LAMB1: variants seen among roughly 807,000 people sequenced by gnomAD.
The protein encoded by LAMB1 is laminin subunit beta-1.
In LAMB1, 121 loss-of-function variants were observed where a neutral mutation model predicts 222.3. That is an observed-to-expected ratio of 0.54 (90% CI 0.47 to 0.63). The LOEUF is 0.63. Ranked by LOEUF, LAMB1 falls within the 30% of genes least tolerant of loss-of-function variation. The pLI is 0.00. For synonymous variants in LAMB1, 794 were observed against 807.2 expected (o/e 0.98, Z 0.28); for missense variants, 2,172 against 2,240.8 (o/e 0.97, Z 0.62).
At position 107,960,334 on chromosome 7, in the gene LAMB1, C is replaced by A. The variant is rs1584507923; in HGVS notation, c.2314+111G>T. On this transcript the variant is annotated intron_variant, in intron 18 of 33. Coordinates refer to ENST00000222399, the MANE Select transcript of LAMB1 (RefSeq NM_002291.3). ...CAAACTGTAACTGAGACACTATTTC[C>A]CTTGTGCTGCCTAACACAGGGCTAG... The A allele has an allele frequency of 1.4e-5, 10 of 713,184 alleles. No individual in the cohort carries two copies. The East Asian group carries it at 2.6e-4, about 19-fold the overall frequency. 44.2% of individuals were successfully genotyped at this position (713,184 alleles called of 1,614,324 possible). A position where few individuals can be genotyped will look rare whatever the true frequency, so the allele number is the denominator to read the frequency against.
chr7:107,975,782 G>C lies in LAMB1; in HGVS notation c.1096C>G (p.Gln366Glu), dbSNP rs551678118. ...NVSGGVCDDC[Q>E]HNTMGRNCEQ... ...CAGTTGCGCCCCATGGTGTTGTGCT[G>C]ACAGTCATCACACACGCCTCCGCTG... is the stretch of plus-strand genomic sequence containing the variant. Residue 366 changes from glutamine to glutamate, a missense_variant, in exon 10 of 34, where the codon CAG (glutamine) becomes GAG (glutamate). Physicochemically the swap from Gln to Glu is conservative, Grantham distance 29. Transcript: ENST00000222399. The C allele has an allele frequency of 2.5e-6, 4 of 1,614,030 alleles. No homozygotes were observed. The South Asian group carries it at 4.4e-5, about 18-fold the overall frequency.
chr7:107,969,428 T>C (rs2033700978), intron 13 of LAMB1, among the ~76,000 whole-genome samples: 1 of 152,020 alleles, frequency 6.6e-6, no homozygotes, highest in Non-Finnish European at 1.5e-5. Context: ...TATTAAAGCA[T>C]AAAAAACATC....
rs770103921 is a variant in LAMB1 at position 107,961,189 on chromosome 7, A to C, written c.2109+17T>G. 2.5e-6 allele frequency: 4 copies of C among 1,613,954 alleles called. No homozygotes were observed. Among genetic ancestry groups the C allele is most frequent in the Non-Finnish European group, 3.4e-6 (4 of 1,179,974 alleles). ...CCCAGGCTTTCCTGCATATGCCAGAAGCAATCTCGCACTTACAGAATCGAT... is the reference window on the plus strand; with the variant it reads ...CCCAGGCTTTCCTGCATATGCCAGACGCAATCTCGCACTTACAGAATCGAT... On this transcript the variant is annotated intron_variant, in intron 17 of 33. Coordinates refer to ENST00000222399, the MANE Select transcript of LAMB1 (RefSeq NM_002291.3).
intron 5 of LAMB1, among the ~76,000 whole-genome samples, 168 bp from the exon 6 acceptor site, chr7:107,986,531 A>T (rs1036602751): frequency 6.6e-6 from 1 of 152,102 alleles, no homozygotes; most frequent in Admixed American, 6.6e-5. Context: ...TTCCACAGAG[A>T]CTCTTCTTGC....
intron 23 of LAMB1, 80 bp downstream of exon 23, chr7:107,951,929 C>T: frequency 8.3e-7 from 1 of 1,204,112 alleles, no homozygotes; most frequent in Non-Finnish European, 1.2e-6. Context: ...TGCCCTGGTG[C>T]CTTGCTCTAA....
rs987334378 is a variant in LAMB1 at position 107,951,226 on chromosome 7, C to T, written c.3391G>A (p.Ala1131Thr). 2 of 1,613,584 alleles carry T rather than the reference C, an allele frequency of 1.2e-6. No homozygotes were observed. Among genetic ancestry groups the T allele is most frequent in the Non-Finnish European group, 1.7e-6 (2 of 1,179,600 alleles). ...FWGDPDVECRACDCDPRGIET... is the reference protein window; with the variant it reads ...FWGDPDVECRTCDCDPRGIET... The stretch of plus-strand genomic sequence containing the variant: ...CAATGCGAGAACGCCCACAACTCAC[C>T]TCGGCACTCCACGTCGGGGTCTCCC... The change falls in exon 24 of 34, where the codon GCC becomes ACC. Residue 1131 changes from alanine (A) to threonine (T), a missense_variant and splice_region_variant. Transcript: ENST00000222399.
At position 107,975,379 on chromosome 7, in the gene LAMB1, C is replaced by T. The variant is rs1308950224; in HGVS notation, c.1224G>A (p.Glu408=). The part of the protein sequence containing the change: ...CTCDPAGSQN[E]GICDSYTDFS... ...AATCAGTATAGCTGTCACAAATTCC[C>T]TCATTTTGAGAGCCAGCTGGGTCAC... The change falls in exon 11 of 34, where the codon GAG becomes GAA. Residue 408 remains glutamate (E), a synonymous_variant. Transcript: ENST00000222399. 14 of 1,613,292 alleles carry T rather than the reference C, an allele frequency of 8.7e-6. No homozygotes were observed. The highest frequency in any genetic ancestry group is 1.1e-5 in the Non-Finnish European group (13 of 1,179,840).
chr7:107,974,626 A>C (rs1171639097), intron 12 of LAMB1, among the ~76,000 whole-genome samples: 1 of 152,212 alleles, frequency 6.6e-6, no homozygotes, highest in Non-Finnish European at 1.5e-5. Flanking sequence ...CAAGCTACTG[A>C]TATGTATCTC....
At chr7:107,970,561 A>G (rs2150435730) in intron 13 of LAMB1, among the ~76,000 whole-genome samples, 1 of 151,970 alleles carries the variant, frequency 6.6e-6, no homozygotes, top group South Asian at 2.1e-4. Flanking sequence ...TGTTAAAATA[A>G]TCTTGAAGGA....
At chr7:107,949,520 GT>G (rs1420427425) in intron 24 of LAMB1, among the ~76,000 whole-genome samples, 6 of 152,230 alleles carry the variant, frequency 3.9e-5, no homozygotes, top group African/African-American at 7.2e-5. Flanking sequence ...TTTAAGCAGA[GT>G]TTTACTTTCA....
intron 20 of LAMB1, among the ~76,000 whole-genome samples, chr7:107,956,902 A>G (rs1436895203): frequency 6.6e-6 from 1 of 152,242 alleles, no homozygotes; most frequent in Non-Finnish European, 1.5e-5. Context: ...AAGGATTCTC[A>G]AAGTTTATAC....
At chr7:108,002,095 G>A (rs1481130194) in intron 2 of LAMB1, 1 of 1,471,870 alleles carries the variant, frequency 6.8e-7, no homozygotes, top group Non-Finnish European at 9.0e-7. Flanking sequence ...GGAGCCCGGC[G>A]CAGGGAGGCT....
At chr7:107,961,778 A>G (rs539471134) in intron 15 of LAMB1, 102 bp from the exon 16 acceptor site, 1 of 1,316,940 alleles carries the variant, frequency 7.6e-7, no homozygotes, top group Non-Finnish European at 1.0e-6. Flanking sequence ...AATGGAAAAC[A>G]AACAGTTGCT....
At chr7:107,943,087 A>G (rs1360903074) in intron 24 of LAMB1, among the ~76,000 whole-genome samples, 1 of 152,186 alleles carries the variant, frequency 6.6e-6, no homozygotes, top group Non-Finnish European at 1.5e-5. Flanking sequence ...TGAATCAGGA[A>G]GCTGTTTAGG....
rs763014067 is a variant in LAMB1 at position 107,932,193 on chromosome 7, A to C, written c.4373T>G (p.Val1458Gly). ...DQDVLSALAE[V>G]EQLSKMVSEA... The stretch of plus-strand genomic sequence containing the variant: ...AGTTACCATCTTGGAGAGCTGTTCC[A>C]CTTCAGCCAGGGCACTCAGGACATC... Residue 1458 changes from valine to glycine, a missense_variant, in exon 28 of 34, where the codon GTG becomes GGG. Val to Gly is a moderately radical substitution (Grantham distance 109, BLOSUM62 -3). Transcript: ENST00000222399. The C allele has an allele frequency of 8.7e-6, 14 of 1,614,112 alleles. No homozygotes were observed. In the East Asian group the frequency reaches 2.0e-4, roughly 23 times the overall value.
intron 18 of LAMB1, 59 bp downstream of exon 18, chr7:107,960,386 G>T: frequency 1.5e-6 from 2 of 1,341,712 alleles, no homozygotes; most frequent in Non-Finnish European, 2.1e-6. Context: ...TGTACTTCAT[G>T]TGCCAGATAT....
intron 24 of LAMB1, among the ~76,000 whole-genome samples, chr7:107,946,608 T>C (rs2033121384): frequency 1.3e-5 from 2 of 152,280 alleles, no homozygotes; most frequent in South Asian, 2.1e-4. Flanking sequence ...TGCCCAGCTC[T>C]GGTCTAGCCT....
intron 8 of LAMB1, 82 bp downstream of exon 8, chr7:107,980,527 A>G: frequency 8.7e-7 from 1 of 1,152,936 alleles, no homozygotes. Context: ...GAAAATGTAA[A>G]AGGCTTAAGG....
At chr7:107,936,982 G>T in intron 26 of LAMB1, 111 bp downstream of exon 26, 2 of 911,624 alleles carry the variant, frequency 2.2e-6, no homozygotes, top group Non-Finnish European at 1.6e-6. Flanking sequence ...ATGAGCAAAA[G>T]TTTTAAAATT....
Sources: gnomAD v4.1 joint callset for allele counts (sites outside exome capture counted in the v4.1 genomes callset) on GRCh38, gnomAD v4.1.1 for gene constraint, MANE v1.5 for transcripts, NCBI Gene and HGNC (gene_info 2026-07-23, HGNC 2026-07-21) for gene names.